QTRT1: variants seen among roughly 807,000 people sequenced by gnomAD.
QTRT1 encodes the protein TGT, 43-KD subunit.
QTRT1 carries 41 observed loss-of-function variants against 44.0 expected under a neutral mutation model. The observed-to-expected ratio is 0.93, with a 90% CI of 0.73 to 1.21. QTRT1 has a LOEUF of 1.21. Ranked by LOEUF, QTRT1 falls within the 50% of genes most tolerant of loss-of-function variation. The pLI is 0.00. For synonymous variants in QTRT1, 226 were observed against 237.1 expected (o/e 0.95, Z 0.43); for missense variants, 542 against 575.8 (o/e 0.94, Z 0.60).
Position 10,707,628 on chromosome 19 carries a change from G to C in QTRT1, c.646+13G>C, listed in dbSNP as rs112327396. 7 of 1,573,144 alleles carry C rather than the reference G, an allele frequency of 4.4e-6. No homozygotes were observed. In the African/African-American group the frequency reaches 6.7e-5, roughly 15 times the overall value. On this transcript the variant is annotated intron_variant, in intron 5 of 9. Transcript: ENST00000250237. ...ACCTGCCTTGAAGGTAGAGCCATGC[G>C]CTGGCAGGCCCAGGGCTTGGCCATC...
intron 5 of QTRT1, 70 bp downstream of exon 5, chr19:10,707,685 C>T (rs921246332): frequency 1.0e-5 from 12 of 1,170,442 alleles, no homozygotes; most frequent in African/African-American, 1.5e-5. Context: ...TGGCGTATGG[C>T]GGGACTGGAT....
At chr19:10,701,801 C>A in intron 1 of QTRT1, 98 bp downstream of exon 1, 3 of 1,568,356 alleles carry the variant, frequency 1.9e-6, no homozygotes, top group Non-Finnish European at 2.6e-6. Flanking sequence ...CAAAGTCAAT[C>A]GACCAGCTGT....
chr19:10,712,346 T>A lies in QTRT1; in HGVS notation c.785+47T>A. 1 of 1,576,942 alleles carries A rather than the reference T, an allele frequency of 6.3e-7. No homozygotes were observed. The highest frequency in any genetic ancestry group is 8.6e-7 in the Non-Finnish European group (1 of 1,160,920). On this transcript the variant is annotated intron_variant, in intron 6 of 9. Coordinates refer to ENST00000250237, the MANE Select transcript of QTRT1 (RefSeq NM_031209.3). This position sits in a 1 kb window ranked among gnomAD's most constrained non-coding sequence, Gnocchi z 5.6. ...CAGAGCCCTACCTGTGGGAAGTGGA[T>A]TCCTGGGGACCCCCTACCCTGCTTG...
Position 10,702,405 on chromosome 19 carries a change from C to T in QTRT1, c.451+151C>T, listed in dbSNP as rs1028069620. The T allele has an allele frequency of 3.7e-6, 3 of 806,364 alleles. No homozygotes were observed. Among genetic ancestry groups the T allele is most frequent in the African/African-American group, 3.5e-5 (2 of 57,438 alleles). The allele number at this position is 806,364 out of a possible 1,614,324, so 50.0% of individuals were successfully genotyped here. A position where few individuals can be genotyped will look rare whatever the true frequency, so the allele number is the denominator to read the frequency against. On this transcript the variant is annotated intron_variant, in intron 3 of 9. Transcript: ENST00000250237. Reference sequence around the variant, plus strand: ...AACTCAAAGCGGGGGTAAATAGTAGCAGGTCTTTGGTAGAATTGTTGACAA... The same window carrying T: ...AACTCAAAGCGGGGGTAAATAGTAGTAGGTCTTTGGTAGAATTGTTGACAA...
rs776026372 is a variant in QTRT1, at chr19:10,702,249, C to T, written c.446C>T (p.Ala149Val). Residue 149 changes from alanine (A) to valine (V), a missense_variant, in exon 3 of 10, where the codon GCG (alanine) becomes GTG (valine). Transcript: ENST00000250237. ...SPEKSVQIQN[A>V]LGSDIIMQLD... is the part of the protein sequence containing the mutation. ...GAGAAATCCGTGCAGATCCAGAATG[C>T]GCTGGGTGAGAGGACCCTGGGGAGC... 7 of 1,613,664 alleles carry T rather than the reference C, an allele frequency of 4.3e-6. No homozygotes were observed. The South Asian group carries it at 6.6e-5, about 15-fold the overall frequency.
At chr19:10,707,974 G>A (rs1438378292) in intron 5 of QTRT1, among the ~76,000 whole-genome samples, 1 of 149,244 alleles carries the variant, frequency 6.7e-6, no homozygotes, top group Admixed American at 6.7e-5. Flanking sequence ...GGAGGGTGGA[G>A]TCTTGCACTG....
chr19:10,712,769 T>C lies in QTRT1; in HGVS notation c.873T>C (p.Ser291=). Residue 291 remains serine, a synonymous_variant, in exon 8 of 10, where the codon TCT becomes TCC. Coordinates refer to ENST00000250237, the MANE Select transcript of QTRT1 (RefSeq NM_031209.3). This position sits in a 1 kb window ranked among gnomAD's most constrained non-coding sequence, Gnocchi z 5.6. ...TTCCTCTCCCACAGCGCTTTGGCTC[T>C]GCCCTGGTGCCCACTGGGAACCTGC... is the stretch of plus-strand genomic sequence containing the variant. ...VFPTRTARFG[S]ALVPTGNLQL... 6.2e-7 allele frequency: 1 copy of C among 1,613,974 alleles called. No individual in the cohort carries two copies.
At chr19:10,703,597 G>A (rs1197538710) in intron 3 of QTRT1, among the ~76,000 whole-genome samples, 1 of 152,116 alleles carries the variant, frequency 6.6e-6, no homozygotes, top group Non-Finnish European at 1.5e-5. Context: ...ATGACTCACT[G>A]CAACAGCTGC....
intron 3 of QTRT1, among the ~76,000 whole-genome samples, chr19:10,705,244 T>C (rs1239383383): frequency 1.3e-5 from 2 of 150,792 alleles, no homozygotes; most frequent in Admixed American, 1.3e-4. Context: ...TTTTCTTTTT[T>C]TTTTTCTTTT....
At chr19:10,708,052 C>T (rs370986857) in intron 5 of QTRT1, among the ~76,000 whole-genome samples, 105 of 151,788 alleles carry the variant, frequency 6.9e-4, no homozygotes, top group Middle Eastern at 6.8e-3. Context: ...GCAACCTCCG[C>T]CTCCCGGGTT....
intron 5 of QTRT1, among the ~76,000 whole-genome samples, chr19:10,709,618 C>T (rs368622765): frequency 7.2e-5 from 11 of 152,102 alleles, no homozygotes; most frequent in Non-Finnish European, 1.0e-4. Flanking sequence ...GAGGCTGAGG[C>T]GGGCAAATCA....
chr19:10,704,516 G>T (rs182750433), intron 3 of QTRT1, among the ~76,000 whole-genome samples: 2 of 151,602 alleles, frequency 1.3e-5, no homozygotes, highest in Non-Finnish European at 1.5e-5. Flanking sequence ...GGATGGTCTC[G>T]ATCTCCTGAC....
At chr19:10,701,897 G>A in intron 1 of QTRT1, 53 bp from the exon 2 acceptor site, 3 of 1,602,320 alleles carry the variant, frequency 1.9e-6, no homozygotes, top group South Asian at 1.1e-5. Context: ...TCCCAAGAAG[G>A]GCCCCCAGGG....
Position 10,712,436 on chromosome 19 carries a change from T to G in QTRT1, c.786-117T>G. The G allele has an allele frequency of 6.9e-7, 1 of 1,438,978 alleles. No homozygotes were observed. The highest frequency in any genetic ancestry group is 9.7e-7 in the Non-Finnish European group (1 of 1,032,618). The allele number at this position is 1,438,978 out of a possible 1,614,324, so 89.1% of individuals were successfully genotyped here. A position where few individuals can be genotyped will look rare whatever the true frequency, so the allele number is the denominator to read the frequency against. On this transcript the variant is annotated intron_variant, in intron 6 of 9. Transcript: ENST00000250237. This position sits in a 1 kb window ranked among gnomAD's most constrained non-coding sequence, Gnocchi z 5.6. ...TGAGGAGACTAGGAAGACATGGCTG[T>G]CCCTTGGGGGCCATTCTGAGGGAAT... is the stretch of plus-strand genomic sequence containing the variant.
chr19:10,703,480 C>T (rs2068699334), intron 3 of QTRT1, among the ~76,000 whole-genome samples: 1 of 152,142 alleles, frequency 6.6e-6, no homozygotes, highest in South Asian at 2.1e-4. Context: ...TTCTTAGATT[C>T]ATGGCTGAAG....
At position 10,701,621 on chromosome 19, in the gene QTRT1, T is replaced by C; in HGVS notation, c.161T>C (p.Met54Thr). 2 of 1,605,706 alleles carry C rather than the reference T, an allele frequency of 1.2e-6. No homozygotes were observed. Among genetic ancestry groups the C allele is most frequent in the Non-Finnish European group, 8.5e-7 (1 of 1,177,260 alleles). The change falls in exon 1 of 10, where the codon ATG becomes ACG. Residue 54 changes from methionine (M) to threonine (T), a missense_variant. Physicochemically the swap from Met to Thr is moderately conservative, Grantham distance 81. Transcript: ENST00000250237. ...VFMPVGTQAT[M>T]KGITTEQLDA... ...ATGCCAGTGGGCACGCAGGCCACCA[T>C]GAAGGGCATCACGACCGAACAGCTG...
At chr19:10,708,485 G>A (rs573661067) in intron 5 of QTRT1, among the ~76,000 whole-genome samples, 2 of 152,152 alleles carry the variant, frequency 1.3e-5, no homozygotes, top group Admixed American at 6.6e-5. Context: ...TAAAAACAAC[G>A]ACAACAACCC....
At chr19:10,707,836 GT>G (rs59876001) in intron 5 of QTRT1, among the ~76,000 whole-genome samples, 135,261 of 148,078 alleles carry the variant, frequency 0.91, 61,885 homozygotes, top group East Asian at 1. Context: ...GTTTGTTTTT[GT>G]TTTTTTTTTT....
At chr19:10,710,199 A>G (rs2068732202) in intron 5 of QTRT1, among the ~76,000 whole-genome samples, 1 of 152,100 alleles carries the variant, frequency 6.6e-6, no homozygotes, top group Non-Finnish European at 1.5e-5. Flanking sequence ...AAAAAGAAGA[A>G]AAGAAAAGAG....
Sources: gnomAD v4.1 joint callset for allele counts (sites outside exome capture counted in the v4.1 genomes callset) on GRCh38, gnomAD v4.1.1 for gene constraint, Gnocchi (gnomAD v3.1) non-coding constraint, MANE v1.5 for transcripts, NCBI Gene and HGNC (gene_info 2026-07-23, HGNC 2026-07-21) for gene names.